The following USP20 variants were observed in gnomAD, a reference collection of about 807,000 sequenced individuals.
USP20 encodes the protein ubiquitin carboxyl-terminal hydrolase 20.
In USP20, 80 loss-of-function variants were observed where a neutral mutation model predicts 124.2. The ratio of observed to expected loss-of-function variants is 0.64; its 90% CI spans 0.54 to 0.78. The LOEUF is 0.78. USP20 is among the 30% of genes least tolerant of loss of function. The pLI, the probability that USP20 is intolerant of heterozygous loss-of-function variation, is 0.00. For missense variants in USP20, 1,043 were observed against 1,244.4 expected, an observed-to-expected ratio of 0.84 and a Z score of 2.44; for synonymous variants, 481 against 512.3, an observed-to-expected ratio of 0.94 and a Z score of 0.83.
At position 129,869,361 on chromosome 9, in the gene USP20, G is replaced by A. The variant is rs765141879; in HGVS notation, c.1328G>A (p.Ser443Asn). 4 of 1,613,748 alleles carry A rather than the reference G, an allele frequency of 2.5e-6. No individual in the cohort carries two copies. Among genetic ancestry groups the A allele is most frequent in the Non-Finnish European group, 3.4e-6 (4 of 1,180,018 alleles). ...SRRRKEQRYRSVISDIFDGSI... is the reference protein window; with the variant it reads ...SRRRKEQRYRNVISDIFDGSI... ...AGGCGGAAGGAGCAGCGCTACCGCA[G>A]CGTCATCTCAGACATCTTTGACGGC... Residue 443 changes from serine (S) to asparagine (N), a missense_variant, in exon 13 of 26, where the codon AGC becomes AAC. Physicochemically the swap from Ser to Asn is conservative, Grantham distance 46. Transcript: ENST00000372429.
At chr9:129,837,350 G>C (rs1357541015) in intron 1 of USP20, among the ~76,000 whole-genome samples, 1 of 152,140 alleles carries the variant, frequency 6.6e-6, no homozygotes, top group Non-Finnish European at 1.5e-5. Context: ...ATTCAACCTA[G>C]GTTTTGGTTG....
At position 129,873,762 on chromosome 9, in the gene USP20, G is replaced by C; in HGVS notation, c.1740+18G>C. On this transcript the variant is annotated intron_variant, in intron 17 of 25. Transcript: ENST00000372429. ...TGCCCGAGGTGAGCCAGTGGCCTCG[G>C]CAGCCTCCTCCTCAGCTATCTCGGG... 6.2e-7 allele frequency: 1 copy of C among 1,609,592 alleles called. No homozygotes were observed. Among genetic ancestry groups the C allele is most frequent in the Non-Finnish European group, 8.5e-7 (1 of 1,179,894 alleles).
At position 129,878,447 on chromosome 9, in the gene USP20, T is replaced by A. The variant is rs2296788; in HGVS notation, c.2512+7T>A. 9 of 1,594,454 alleles carry A rather than the reference T, an allele frequency of 5.6e-6. No homozygotes were observed. The highest frequency in any genetic ancestry group is 5.1e-6 in the Non-Finnish European group (6 of 1,168,412). On this transcript the variant is annotated splice_region_variant and intron_variant, in intron 23 of 25. Coordinates refer to ENST00000372429, the MANE Select transcript of USP20 (RefSeq NM_001110303.4). ...GTCAAGGGGAAGGACAACGGTGAGC[T>A]GAGGGGGGACCTGGCACTTACCTGC...
chr9:129,837,590 C>A lies in USP20; in HGVS notation c.-129+2091C>A, dbSNP rs536501332. Among the ~76,000 whole-genome samples the A allele has an allele frequency of 1.4e-4, 22 of 152,256 alleles. 1 individual carries two copies. Among genetic ancestry groups the A allele is most frequent in the African/African-American group, 5.3e-4 (22 of 41,558 alleles). On this transcript the variant is annotated intron_variant, in intron 1 of 25. Coordinates refer to ENST00000372429, the MANE Select transcript of USP20 (RefSeq NM_001110303.4). Reference sequence around the variant, plus strand: ...GCTTGAAATAAGTCAGCAAAAGAGACAAAAGATCCCTGATTAGTTGAGTGT... The same window carrying A: ...GCTTGAAATAAGTCAGCAAAAGAGAAAAAAGATCCCTGATTAGTTGAGTGT...
rs759555755 is a variant in USP20, at chr9:129,869,861, A to G, written c.1565+17A>G. 1.0e-5 allele frequency: 16 copies of G among 1,595,474 alleles called. No individual in the cohort carries two copies. In the East Asian group the frequency reaches 2.7e-4, roughly 27 times the overall value. ...CATCCGACGGTGCGCCCACCTTGCC[A>G]CTACTGGGCGACATGGGCTGGGCCT... On this transcript the variant is annotated intron_variant, in intron 14 of 25. Transcript: ENST00000372429.
intron 14 of USP20, 91 bp downstream of exon 14, chr9:129,869,935 T>C (rs574349513): frequency 8.2e-5 from 124 of 1,504,422 alleles, no homozygotes; most frequent in East Asian, 1.1e-4. Flanking sequence ...GTCCATGCAT[T>C]TGGGGAACCA....
rs933079564 is a variant in USP20 at position 129,879,353 on chromosome 9, G to T, written c.2513-220G>T. 3 of 558,520 alleles carry T rather than the reference G, an allele frequency of 5.4e-6. No individual in the cohort carries two copies. The highest frequency in any genetic ancestry group is 2.3e-5 in the South Asian group (1 of 43,466). 34.6% of individuals were successfully genotyped at this position (558,520 alleles called of 1,614,324 possible). On this transcript the variant is annotated intron_variant, in intron 23 of 25. Transcript: ENST00000372429. This position sits in a 1 kb window ranked among gnomAD's most constrained non-coding sequence, Gnocchi z 4.2. ...TGGGCCATCCACCGCAGCTCCTGCG[G>T]CCAGCACAGAGTCTGAGACCATCTC...
intron 10 of USP20, among the ~76,000 whole-genome samples, chr9:129,866,818 AAG>A (rs1366517698): frequency 1.3e-5 from 2 of 152,174 alleles, no homozygotes; most frequent in Non-Finnish European, 2.9e-5. Context: ...AAGAACCAGA[AAG>A]AGAAGTAGAT....
chr9:129,873,750 CCAGTGGCCT>C lies in USP20; in HGVS notation c.1740+8_1740+16del, dbSNP rs1564219925. 1 of 1,611,672 alleles carries C rather than the reference CCAGTGGCCT, an allele frequency of 6.2e-7. No homozygotes were observed. Among genetic ancestry groups the C allele is most frequent in the East Asian group, 2.2e-5 (1 of 44,880 alleles). ...AAGTCCTGCGGTTGCCCGAGGTGAG[CCAGTGGCCT>C]CGGCAGCCTCCTCCTCAGCTATCTC... is the stretch of plus-strand genomic sequence containing the variant. On this transcript the variant is annotated splice_region_variant and intron_variant, in intron 17 of 25. Transcript: ENST00000372429.
intron 1 of USP20, among the ~76,000 whole-genome samples, chr9:129,838,585 C>T (rs1313427760): frequency 6.6e-6 from 1 of 152,152 alleles, no homozygotes; most frequent in Non-Finnish European, 1.5e-5. Flanking sequence ...GGGGAAGATG[C>T]ATGGTTTCTA....
chr9:129,873,536 C>T (rs781766893), intron 16 of USP20, 21 bp downstream of exon 16: 28 of 1,614,090 alleles, frequency 1.7e-5, no homozygotes, highest in Non-Finnish European at 2.3e-5. Context: ...CTTCCCCCGC[C>T]TTCTCCCTAA....
chr9:129,864,792 A>C (rs892258378), intron 9 of USP20, among the ~76,000 whole-genome samples: 4 of 124,206 alleles, frequency 3.2e-5, no homozygotes, highest in African/African-American at 6.0e-5. Context: ...AAAAAAAAAA[A>C]CCCAGCATGG....
chr9:129,869,057 C>T, intron 12 of USP20, 55 bp downstream of exon 12: 1 of 1,535,852 alleles, frequency 6.5e-7, no homozygotes, highest in South Asian at 1.2e-5. Context: ...CAGATTACGC[C>T]CGTAGCTGCC....
chr9:129,853,787 G>A (rs4288465), intron 3 of USP20, among the ~76,000 whole-genome samples: 145,283 of 152,188 alleles, frequency 0.95, 69,730 homozygotes, highest in East Asian at 1. Context: ...GAGAGCAGGG[G>A]GGGGATGAAG....
At chr9:129,864,740 C>G (rs2033738778) in intron 9 of USP20, among the ~76,000 whole-genome samples, 1 of 143,128 alleles carries the variant, frequency 7.0e-6, no homozygotes, top group Non-Finnish European at 1.5e-5. Context: ...TGCCACTGCA[C>G]TCTAGCCTGG....
intron 1 of USP20, among the ~76,000 whole-genome samples, chr9:129,845,425 T>G (rs2032482519): frequency 6.6e-6 from 1 of 152,222 alleles, no homozygotes. Flanking sequence ...TGTTTTTGTT[T>G]TTAGGAGCAG....
chr9:129,870,599 G>A (rs758101700), intron 15 of USP20, 52 bp downstream of exon 15: 1 of 1,585,350 alleles, frequency 6.3e-7, no homozygotes, highest in South Asian at 1.1e-5. Context: ...GTGGGGACGG[G>A]GATGTGCAGA....
Position 129,858,576 on chromosome 9 carries a change from C to A in USP20, c.308C>A (p.Ser103Tyr), listed in dbSNP as rs36086252. The change falls in exon 6 of 26, where the codon TCC becomes TAC. Residue 103 changes from serine to tyrosine, a missense_variant. Coordinates refer to ENST00000372429, the MANE Select transcript of USP20 (RefSeq NM_001110303.4). Reference sequence around the variant, plus strand: ...CGGCTGGCAGCCCCTCTGCTGGGCTCCTCTTCCAAGTTCTCTGAACAGGTA... The same window carrying A: ...CGGCTGGCAGCCCCTCTGCTGGGCTACTCTTCCAAGTTCTCTGAACAGGTA... ...EQRLAAPLLG[S>Y]SSKFSEQDSP... is the part of the protein sequence containing the mutation. 1.3e-3 allele frequency: 2,087 copies of A among 1,614,062 alleles called. 22 individuals are homozygous for A. The African/African-American group carries it at 0.02, about 16-fold the overall frequency.
chr9:129,854,239 C>A (rs1169493087), intron 3 of USP20, among the ~76,000 whole-genome samples: 1 of 152,188 alleles, frequency 6.6e-6, no homozygotes, highest in South Asian at 2.1e-4. Context: ...GGAAACAATT[C>A]TGCTTCTGGG....
Sources: allele counts gnomAD v4.1 joint callset (sites outside exome capture counted in the v4.1 genomes callset), GRCh38; gene constraint gnomAD v4.1.1; non-coding constraint Gnocchi (gnomAD v3.1); transcripts MANE v1.5; gene names NCBI Gene and HGNC (gene_info 2026-07-23, HGNC 2026-07-21).